Variants in ATRNL1 observed in about 807,000 individuals in gnomAD.
ATRNL1 encodes attractin like 1.
In ATRNL1, 95 loss-of-function variants were observed where a neutral mutation model predicts 182.7. That is an observed-to-expected ratio of 0.52 (90% CI 0.44 to 0.62). The LOEUF (loss-of-function observed/expected upper bound fraction) is 0.62, where lower values mean the gene tolerates loss of function less well. ATRNL1 is among the 20% of genes least tolerant of loss of function. The pLI, the probability that ATRNL1 is intolerant of heterozygous loss-of-function variation, is 0.00. For missense variants in ATRNL1, 1,471 were observed against 1,679.5 expected, an observed-to-expected ratio of 0.88 and a Z score of 2.17; for synonymous variants, 576 against 568.3, an observed-to-expected ratio of 1.01 and a Z score of -0.19.
At chr10:115,398,536 G>A (rs1844399363) in intron 20 of ATRNL1, among the ~76,000 whole-genome samples, 1 of 151,984 alleles carries the variant, frequency 6.6e-6, no homozygotes, top group Non-Finnish European at 1.5e-5. Flanking sequence ...GTATAGGAAT[G>A]CTATTGATTT....
Position 115,883,092 on chromosome 10 carries a change from A to G in ATRNL1, c.4018+35101A>G, listed in dbSNP as rs1951863652. On this transcript the variant is annotated intron_variant, in intron 28 of 28. Coordinates refer to ENST00000355044, the MANE Select transcript of ATRNL1 (RefSeq NM_207303.4). Reference sequence around the variant, plus strand: ...ATCCCAAACTCCTGTTCTCTAAGGCACCAGCGCTGGGCAGGGCTTTGCGCA... The same window carrying G: ...ATCCCAAACTCCTGTTCTCTAAGGCGCCAGCGCTGGGCAGGGCTTTGCGCA... Among the ~76,000 whole-genome samples the G allele has an allele frequency of 2.0e-5, 3 of 152,144 alleles. No homozygotes were observed. The South Asian group carries it at 6.2e-4, about 32-fold the overall frequency.
At chr10:115,358,796 A>G (rs1856613283) in intron 19 of ATRNL1, among the ~76,000 whole-genome samples, 1 of 151,586 alleles carries the variant, frequency 6.6e-6, no homozygotes. Context: ...TGACTCTCAC[A>G]TGCAACTAGT....
At chr10:115,832,014 G>A (rs1950572306) in intron 27 of ATRNL1, among the ~76,000 whole-genome samples, 2 of 152,064 alleles carry the variant, frequency 1.3e-5, no homozygotes, top group South Asian at 2.1e-4. Context: ...AAAATATGGA[G>A]CTATTTACAG....
chr10:115,326,103 G>A lies in ATRNL1; in HGVS notation c.3038-8179G>A, dbSNP rs185584026. ...TGCCAGGGCAACTAGGCAGGAGAAGGAAATAAACGGTGTTCAATTAGGAAA... is the reference window on the plus strand; with the variant it reads ...TGCCAGGGCAACTAGGCAGGAGAAGAAAATAAACGGTGTTCAATTAGGAAA... On this transcript the variant is annotated intron_variant, in intron 18 of 28. Transcript: ENST00000355044. Among the ~76,000 whole-genome samples, 346 of 152,230 alleles carry A rather than the reference G, an allele frequency of 2.3e-3. 1 individual carries two copies. The highest frequency in any genetic ancestry group is 4.0e-3 in the Non-Finnish European group (271 of 67,996).
rs567941767 is a variant in ATRNL1, at chr10:115,724,320, AAAC to A, written c.3796-2926_3796-2924del. On this transcript the variant is annotated intron_variant, in intron 26 of 28. Transcript: ENST00000355044. Reference sequence around the variant, plus strand: ...TTTCCAACTGTCTCATAAATTTGCAAAACATTTGTTAAAAGGGAGACTAGTAGA... The same window carrying A: ...TTTCCAACTGTCTCATAAATTTGCAAATTTGTTAAAAGGGAGACTAGTAGA... Among the ~76,000 whole-genome samples the A allele has an allele frequency of 8.1e-3, 1,232 of 152,260 alleles. 7 individuals carry two copies. Among genetic ancestry groups the A allele is most frequent in the Middle Eastern group, 0.014 (4 of 294 alleles).
chr10:115,102,447 C>T (rs2484266), intron 1 of ATRNL1, among the ~76,000 whole-genome samples: 100,424 of 151,360 alleles, frequency 0.66, 34,113 homozygotes, highest in Non-Finnish European at 0.74. Flanking sequence ...TATATATATA[C>T]ACATACATAT....
At chr10:115,562,730 G>A (rs1447150768) in intron 26 of ATRNL1, among the ~76,000 whole-genome samples, 2 of 152,146 alleles carry the variant, frequency 1.3e-5, no homozygotes, top group Non-Finnish European at 2.9e-5. Context: ...ATAAGGATGT[G>A]TTCAGTTCCC....
chr10:115,826,814 A>G (rs944506959), intron 27 of ATRNL1, among the ~76,000 whole-genome samples: 2 of 152,174 alleles, frequency 1.3e-5, no homozygotes, highest in African/African-American at 2.4e-5. Flanking sequence ...TTAAAAAATG[A>G]TAAAAAAGCA....
intron 20 of ATRNL1, among the ~76,000 whole-genome samples, chr10:115,411,229 T>C (rs1431637391): frequency 6.7e-6 from 1 of 150,328 alleles, no homozygotes; most frequent in Non-Finnish European, 1.5e-5. Flanking sequence ...ATATTTAATA[T>C]CTAAGTGTTC....
intron 19 of ATRNL1, among the ~76,000 whole-genome samples, chr10:115,382,013 GT>G (rs1216567148): frequency 2.6e-5 from 4 of 152,090 alleles, no homozygotes; most frequent in African/African-American, 9.7e-5. Flanking sequence ...GGCCATAAGT[GT>G]AATGGTTTAT....
chr10:115,665,403 TG>T (rs1337702682), intron 26 of ATRNL1, among the ~76,000 whole-genome samples: 1 of 152,168 alleles, frequency 6.6e-6, no homozygotes, highest in Non-Finnish European at 1.5e-5. Context: ...TATCATCTCG[TG>T]ACTTTCAGTC....
At chr10:115,239,010 G>A (rs1850299686) in intron 9 of ATRNL1, among the ~76,000 whole-genome samples, 3 of 151,944 alleles carry the variant, frequency 2.0e-5, no homozygotes, top group East Asian at 1.9e-4. Flanking sequence ...TTAGCTTATC[G>A]ACATGATGGA....
chr10:115,109,602 G>T (rs1366929166), intron 1 of ATRNL1, among the ~76,000 whole-genome samples: 1 of 152,144 alleles, frequency 6.6e-6, no homozygotes, highest in African/African-American at 2.4e-5. Context: ...CGGGGATTAA[G>T]TTTTCAACAC....
intron 24 of ATRNL1, among the ~76,000 whole-genome samples, chr10:115,474,662 A>G (rs1438910236): frequency 6.6e-6 from 1 of 151,322 alleles, no homozygotes; most frequent in Non-Finnish European, 1.5e-5. Context: ...CTGGTGGTGG[A>G]TGAATACATT....
At chr10:115,194,717 T>C (rs542192196) in intron 8 of ATRNL1, among the ~76,000 whole-genome samples, 1 of 152,022 alleles carries the variant, frequency 6.6e-6, no homozygotes, top group Non-Finnish European at 1.5e-5. Context: ...TAAGAACTTA[T>C]TACTGCCATT....
At chr10:115,539,448 A>G (rs1852226802) in intron 25 of ATRNL1, among the ~76,000 whole-genome samples, 1 of 152,200 alleles carries the variant, frequency 6.6e-6, no homozygotes, top group Non-Finnish European at 1.5e-5. Flanking sequence ...CAGAGCAGAG[A>G]AGAACACCAG....
At chr10:115,390,118 T>G (rs1843944157) in intron 19 of ATRNL1, among the ~76,000 whole-genome samples, 1 of 152,168 alleles carries the variant, frequency 6.6e-6, no homozygotes, top group South Asian at 2.1e-4. Context: ...GATGTATGGG[T>G]TGTGAATATT....
chr10:115,757,142 C>T (rs1234133055), intron 27 of ATRNL1, among the ~76,000 whole-genome samples: 2 of 152,124 alleles, frequency 1.3e-5, no homozygotes, highest in Non-Finnish European at 2.9e-5. Context: ...TTAATTAGGG[C>T]ATTTAGCCTG....
intron 8 of ATRNL1, among the ~76,000 whole-genome samples, chr10:115,178,276 A>G (rs1329670437): frequency 6.6e-6 from 1 of 152,108 alleles, no homozygotes; most frequent in Non-Finnish European, 1.5e-5. Flanking sequence ...CGGGTTATCA[A>G]GTGCTTAGGT....
Sources: gnomAD v4.1 joint callset for allele counts (sites outside exome capture counted in the v4.1 genomes callset) on GRCh38, gnomAD v4.1.1 for gene constraint, MANE v1.5 for transcripts, NCBI Gene and HGNC (gene_info 2026-07-23, HGNC 2026-07-21) for gene names.